TANGO6: variants seen among roughly 807,000 people sequenced by gnomAD.
The protein encoded by TANGO6 is transport and Golgi organization protein 6 homolog.
Under a neutral mutation model 114.2 loss-of-function variants are expected in TANGO6, and 90 were observed. The ratio of observed to expected loss-of-function variants is 0.79; its 90% CI spans 0.66 to 0.94. TANGO6 has a LOEUF of 0.94. TANGO6 is among the 40% of genes least tolerant of loss of function. The pLI is 0.00. For synonymous variants in TANGO6, 477 were observed against 509.8 expected (o/e 0.94, Z 0.87); for missense variants, 1,274 against 1,315.3 (o/e 0.97, Z 0.49).
chr16:68,900,295 A>G, intron 7 of TANGO6, 139 bp from the exon 8 acceptor site: 1 of 667,028 alleles, frequency 1.5e-6, no homozygotes, highest in Admixed American at 2.8e-5. Context: ...ATATCTGAGC[A>G]CATCTTTGGA....
rs1387689781 is a variant in TANGO6, at chr16:69,084,332, C to T, written c.*671C>T. On this transcript the variant is annotated 3_prime_UTR_variant, in exon 18 of 18. Transcript: ENST00000261778. ...ACTCTTCCAGAGAAGAAGGGTAAGC[C>T]CTGTATTTATCCTCCCAGGCCATTC... 1 of 152,198 alleles carries T rather than the reference C, an allele frequency of 6.6e-6. No homozygotes were observed. The highest frequency in any genetic ancestry group is 2.4e-5 in the African/African-American group (1 of 41,406). The allele number at this position is 152,198 out of a possible 1,614,324, so 9.4% of individuals were successfully genotyped here.
intron 7 of TANGO6, among the ~76,000 whole-genome samples, chr16:68,897,029 G>A (rs1167601400): frequency 6.6e-6 from 1 of 151,576 alleles, no homozygotes; most frequent in Middle Eastern, 3.4e-3. Context: ...TCAGCCTCCC[G>A]AGCAGCCAGG....
intron 7 of TANGO6, among the ~76,000 whole-genome samples, chr16:68,895,257 G>A (rs967583450): frequency 6.6e-6 from 1 of 152,156 alleles, no homozygotes; most frequent in Admixed American, 6.6e-5. Flanking sequence ...GCTGAGGCAC[G>A]AGAATTGCTT....
chr16:69,078,997 G>A (rs550338858), intron 17 of TANGO6, among the ~76,000 whole-genome samples: 1 of 152,058 alleles, frequency 6.6e-6, no homozygotes, highest in Non-Finnish European at 1.5e-5. Context: ...GCCCGTCTCG[G>A]CTACTGCACT....
chr16:68,930,011 T>C (rs1186878397), intron 13 of TANGO6, among the ~76,000 whole-genome samples: 1 of 152,234 alleles, frequency 6.6e-6, no homozygotes, highest in African/African-American at 2.4e-5. Context: ...CCAGGACTAC[T>C]GCTGGAAGAA....
At chr16:68,877,970 G>A (rs1962394021) in intron 5 of TANGO6, 148 bp from the exon 6 acceptor site, 6 of 676,318 alleles carry the variant, frequency 8.9e-6, no homozygotes, top group Non-Finnish European at 1.4e-5. Context: ...CTTTGATACT[G>A]GGTATGTTAA....
intron 9 of TANGO6, 147 bp from the exon 10 acceptor site, chr16:68,907,296 C>A: frequency 2.0e-6 from 2 of 981,508 alleles, no homozygotes; most frequent in Non-Finnish European, 1.4e-6. Context: ...AATGGAGAAA[C>A]AATAAAATAA....
intron 14 of TANGO6, among the ~76,000 whole-genome samples, chr16:68,949,994 C>G (rs1472481021): frequency 6.6e-6 from 1 of 152,090 alleles, no homozygotes; most frequent in East Asian, 1.9e-4. Context: ...CATACTGCAA[C>G]ATGAATGAAT....
chr16:68,952,105 TAA>T (rs1205566708), intron 14 of TANGO6, among the ~76,000 whole-genome samples: 3 of 152,036 alleles, frequency 2.0e-5, no homozygotes, highest in Non-Finnish European at 2.9e-5. Context: ...TACCTCCAGG[TAA>T]AGAGTCAGTT....
intron 7 of TANGO6, among the ~76,000 whole-genome samples, chr16:68,894,173 T>C (rs180726200): frequency 1.3e-5 from 2 of 152,338 alleles, no homozygotes; most frequent in East Asian, 3.9e-4. Flanking sequence ...AAATGCAGCA[T>C]TGGCTGAATC....
intron 1 of TANGO6, among the ~76,000 whole-genome samples, chr16:68,852,535 A>G (rs1961920173): frequency 2.6e-5 from 4 of 152,194 alleles, no homozygotes; most frequent in Non-Finnish European, 4.4e-5. Flanking sequence ...CTAAACAAAT[A>G]GAAAAGCTCG....
chr16:69,068,460 G>A (rs958433667), intron 17 of TANGO6, among the ~76,000 whole-genome samples: 1 of 152,166 alleles, frequency 6.6e-6, no homozygotes, highest in African/African-American at 2.4e-5. Flanking sequence ...ATTGTGTTGT[G>A]GGGATTGAGT....
chr16:68,923,305 C>T (rs1963122541), intron 12 of TANGO6, among the ~76,000 whole-genome samples: 1 of 152,090 alleles, frequency 6.6e-6, no homozygotes, highest in African/African-American at 2.4e-5. Context: ...GACTCTTTGG[C>T]AGAAAGGTTA....
At chr16:68,844,175 G>C (rs1254109459) in intron 1 of TANGO6, among the ~76,000 whole-genome samples, 1 of 152,168 alleles carries the variant, frequency 6.6e-6, no homozygotes, top group African/African-American at 2.4e-5. Flanking sequence ...TTTGAAATGG[G>C]TTTGGGGAGA....
At chr16:68,935,446 T>C (rs1963290367) in intron 14 of TANGO6, among the ~76,000 whole-genome samples, 1 of 152,200 alleles carries the variant, frequency 6.6e-6, no homozygotes, top group Admixed American at 6.5e-5. Context: ...CGGCTATATA[T>C]TGATGCCTGA....
intron 15 of TANGO6, among the ~76,000 whole-genome samples, chr16:68,981,642 C>G (rs1273969448): frequency 6.6e-6 from 1 of 152,120 alleles, no homozygotes; most frequent in African/African-American, 2.4e-5. Context: ...TGAATTAAAT[C>G]AAAAGGGATT....
At chr16:68,991,563 C>T (rs970854595) in intron 15 of TANGO6, among the ~76,000 whole-genome samples, 4 of 152,266 alleles carry the variant, frequency 2.6e-5, no homozygotes, top group African/African-American at 9.6e-5. Flanking sequence ...ATTGCTTAAA[C>T]CTAGGAGGGA....
intron 15 of TANGO6, among the ~76,000 whole-genome samples, chr16:68,988,532 TA>T (rs1963917593): frequency 6.6e-6 from 1 of 152,158 alleles, no homozygotes; most frequent in African/African-American, 2.4e-5. Context: ...GTGTTTTTAA[TA>T]GAAAAAAATC....
chr16:69,034,411 C>A, intron 16 of TANGO6: 1 of 159,836 alleles, frequency 6.3e-6, no homozygotes, highest in Non-Finnish European at 1.4e-5. Context: ...TGACCCCCAG[C>A]CTCTGGAAAG....
Sources: allele counts gnomAD v4.1 joint callset (sites outside exome capture counted in the v4.1 genomes callset), GRCh38; gene constraint gnomAD v4.1.1; transcripts MANE v1.5; gene names NCBI Gene and HGNC (gene_info 2026-07-23, HGNC 2026-07-21).